Variants in FYB2 observed in about 807,000 individuals in gnomAD.
FYB2 encodes the protein FYN binding protein 2, also known as FYN-binding protein 2.
In FYB2, 103 loss-of-function variants were observed where a neutral mutation model predicts 94.1. That is an observed-to-expected ratio of 1.09 (90% CI 0.93 to 1.29). The LOEUF is 1.29. Ranked by LOEUF, FYB2 falls within the 50% of genes most tolerant of loss-of-function variation. The probability of loss-of-function intolerance (pLI) is 0.00; values close to 1 mark genes in which losing one functional copy is unlikely to be tolerated. For synonymous variants in FYB2, 293 were observed against 287.9 expected, an observed-to-expected ratio of 1.02 and a Z score of -0.18; for missense variants, 896 against 841.5, an observed-to-expected ratio of 1.06 and a Z score of -0.80.
chr1:56,790,308 C>T lies in FYB2; in HGVS notation c.758-1174G>A, dbSNP rs561809551. 7.9e-5 allele frequency among the ~76,000 whole-genome samples: 12 copies of T among 152,296 alleles called. No homozygotes were observed. In the South Asian group the frequency reaches 2.5e-3, roughly 32 times the overall value. On this transcript the variant is annotated intron_variant, in intron 2 of 19. Coordinates refer to ENST00000343433, the MANE Select transcript of FYB2 (RefSeq NM_001004303.5). ...GGGTTACATCCCCAGAAACTCGGGC[C>T]CAAAGTTCCTCTCTTCTTAGGCTTG... is the stretch of plus-strand genomic sequence containing the variant.
intron 4 of FYB2, among the ~76,000 whole-genome samples, chr1:56,779,080 T>G (rs1469240905): frequency 6.6e-6 from 1 of 151,986 alleles, no homozygotes. Flanking sequence ...AGTCCATGGG[T>G]GGAAGACAGC....
At chr1:56,761,857 G>A (rs1645502440) in intron 5 of FYB2, 1 of 151,766 alleles carries the variant, frequency 6.6e-6, no homozygotes, top group Non-Finnish European at 1.5e-5. Context: ...CTCACCTTTG[G>A]TGTACAAAAA....
chr1:56,796,691 C>T (rs1403211061), intron 1 of FYB2, among the ~76,000 whole-genome samples: 2 of 152,282 alleles, frequency 1.3e-5, no homozygotes, highest in Non-Finnish European at 2.9e-5. Flanking sequence ...AATGCTCCAA[C>T]GTCACATTGG....
chr1:56,819,452 G>T (rs1237954488), upstream of FYB2: 3 of 1,024,882 alleles, frequency 2.9e-6, no homozygotes, highest in Non-Finnish European at 2.9e-6. Context: ...CTGGGCCGAG[G>T]CTCCTCCCTT....
chr1:56,748,484 C>A (rs887003831), intron 9 of FYB2, among the ~76,000 whole-genome samples: 12 of 152,014 alleles, frequency 7.9e-5, no homozygotes, highest in Non-Finnish European at 1.8e-4. Flanking sequence ...GTTTTCCCAG[C>A]ACCATTTATC....
In FYB2 at chr1:56,753,926, A is replaced by G. The variant is rs763108177; in HGVS notation, c.1140T>C (p.His380=). ...NFPYPEPSAK[H]EDKKMKEKQP... ...GTTTTTCCTTCATTTTTTTATCTTCATGTTTAGCACTGAAATGTGAAGAGA... is the reference window on the plus strand; with the variant it reads ...GTTTTTCCTTCATTTTTTTATCTTCGTGTTTAGCACTGAAATGTGAAGAGA... The change falls in exon 8 of 20, where the codon CAT becomes CAC. Residue 380 remains histidine, a synonymous_variant. Coordinates refer to ENST00000343433, the MANE Select transcript of FYB2 (RefSeq NM_001004303.5). The G allele has an allele frequency of 4.4e-6, 7 of 1,599,258 alleles. No homozygotes were observed. The South Asian group carries it at 7.7e-5, about 18-fold the overall frequency.
intron 4 of FYB2, among the ~76,000 whole-genome samples, chr1:56,786,925 C>T (rs1646144133): frequency 6.6e-6 from 1 of 152,144 alleles, no homozygotes. Flanking sequence ...ATTTACTGAA[C>T]CCAAGTGTGT....
At chr1:56,824,585 C>G (rs1296285875), upstream of FYB2, 1 of 152,258 alleles carries the variant, frequency 6.6e-6, no homozygotes, top group Non-Finnish European at 1.5e-5. Flanking sequence ...CTCTCACACT[C>G]TTGCACACTC....
chr1:56,757,675 T>C (rs549776068), intron 6 of FYB2, among the ~76,000 whole-genome samples: 27 of 98,992 alleles, frequency 2.7e-4, no homozygotes, highest in East Asian at 1.6e-3. Context: ...TTCTTTCCTC[T>C]TTCCTTCCTT....
At chr1:56,779,374 C>A (rs1645956546) in intron 4 of FYB2, among the ~76,000 whole-genome samples, 1 of 152,038 alleles carries the variant, frequency 6.6e-6, no homozygotes, top group Non-Finnish European at 1.5e-5. Context: ...TCAGAACAAG[C>A]TTCTTGGTAG....
chr1:56,793,966 G>A (rs536565262), intron 1 of FYB2, among the ~76,000 whole-genome samples: 2 of 152,126 alleles, frequency 1.3e-5, no homozygotes, highest in Non-Finnish European at 1.5e-5. Flanking sequence ...TTCCCTCTAA[G>A]TGCTTTATAA....
intron 4 of FYB2, among the ~76,000 whole-genome samples, chr1:56,772,760 T>C (rs552708510): frequency 2.0e-5 from 3 of 152,292 alleles, no homozygotes; most frequent in East Asian, 1.9e-4. Context: ...AAAACAGTTA[T>C]AATAAAATCT....
chr1:56,728,546 T>C (rs1437849021), intron 15 of FYB2, among the ~76,000 whole-genome samples: 1 of 152,096 alleles, frequency 6.6e-6, no homozygotes, highest in Non-Finnish European at 1.5e-5. Flanking sequence ...CTAACTTAAA[T>C]AGATAAAGTT....
chr1:56,821,578 G>A (rs914271020), upstream of FYB2, among the ~76,000 whole-genome samples: 3 of 152,168 alleles, frequency 2.0e-5, no homozygotes, highest in African/African-American at 7.2e-5. Flanking sequence ...AGGACAAATG[G>A]CCATGGGAAA....
chr1:56,719,888 G>A (rs1246612562), intron 19 of FYB2, 134 bp downstream of exon 19: 12 of 1,028,572 alleles, frequency 1.2e-5, no homozygotes, highest in Non-Finnish European at 1.7e-5. Context: ...AATCCTTATA[G>A]AATAGGGCAC....
chr1:56,729,337 T>C (rs72907381), intron 15 of FYB2, among the ~76,000 whole-genome samples: 1 of 151,898 alleles, frequency 6.6e-6, no homozygotes, highest in Non-Finnish European at 1.5e-5. Flanking sequence ...TGGGAACAGT[T>C]TGAGTTATTG....
At chr1:56,825,931 C>T in the FYB2 span, among the ~76,000 whole-genome samples, 2 of 152,236 alleles carry the variant, frequency 1.3e-5, no homozygotes, top group African/African-American at 2.4e-5. Context: ...AGCTCATCCT[C>T]TTTCCTGAGC....
chr1:56,738,879 G>A (rs565638226), intron 13 of FYB2, among the ~76,000 whole-genome samples: 546 of 152,242 alleles, frequency 3.6e-3, no homozygotes, highest in African/African-American at 0.013. Flanking sequence ...TTTGGGAAGA[G>A]AAGTTCAGGG....
At position 56,792,610 on chromosome 1, in the gene FYB2, C is replaced by G; in HGVS notation, c.203G>C (p.Ser68Thr). The change falls in exon 2 of 20, where the codon AGT (serine) becomes ACT (threonine). Residue 68 changes from serine (S) to threonine (T), a missense_variant. Coordinates refer to ENST00000343433, the MANE Select transcript of FYB2 (RefSeq NM_001004303.5). ...NHKQRTPYCS[S>T]SESQPLQPQK... is the part of the protein sequence containing the mutation. ...AGGTTGAAGAGGCTGGGACTCACTA[C>G]TGGAACAGTATGGTGTGCGCTGCTT... is the stretch of plus-strand genomic sequence containing the variant. 1 of 1,614,092 alleles carries G rather than the reference C, an allele frequency of 6.2e-7. No homozygotes were observed. The highest frequency in any genetic ancestry group is 8.5e-7 in the Non-Finnish European group (1 of 1,180,008).
Sources: gnomAD v4.1 joint callset for allele counts (sites outside exome capture counted in the v4.1 genomes callset) on GRCh38, gnomAD v4.1.1 for gene constraint, MANE v1.5 for transcripts, NCBI Gene and HGNC (gene_info 2026-07-23, HGNC 2026-07-21) for gene names.